Variants in POTED observed in about 807,000 individuals in gnomAD.
The protein encoded by POTED is POTE ankyrin domain family member D.
Under a neutral mutation model 19.0 loss-of-function variants are expected in POTED, and 7 were observed. The ratio of observed to expected loss-of-function variants is 0.37; its 90% CI spans 0.21 to 0.69. The LOEUF (loss-of-function observed/expected upper bound fraction) is 0.69. Ranked by LOEUF, POTED falls within the 30% of genes least tolerant of loss-of-function variation. The pLI is 0.56. For missense variants in POTED, 54 were observed against 278.5 expected, an observed-to-expected ratio of 0.19 and a Z score of 5.74; for synonymous variants, 16 against 92.0, an observed-to-expected ratio of 0.17 and a Z score of 4.73.
At position 13,624,041 on chromosome 21, in the gene POTED, A is replaced by G. The variant is rs921650512; in HGVS notation, c.1126+1166A>G. Among the ~76,000 whole-genome samples, 3 of 87,304 alleles carry G rather than the reference A, an allele frequency of 3.4e-5. 1 individual carries two copies. The highest frequency in any genetic ancestry group is 3.3e-4 in the Admixed American group (3 of 8,992). The allele number at this position is 87,304 out of a possible 152,430, so 57.3% of individuals were successfully genotyped here. On this transcript the variant is annotated intron_variant, in intron 6 of 10. Coordinates refer to ENST00000299443, the MANE Select transcript of POTED (RefSeq NM_174981.6). ...TCACTTGTCCACTTAACAAATAACT[A>G]TTAAATGTCTTTTAGATACTAATCA...
chr21:13,642,538 C>T lies in POTED; in HGVS notation c.*972C>T, dbSNP rs571254196. Among the ~76,000 whole-genome samples, 34 of 79,890 alleles carry T rather than the reference C, an allele frequency of 4.3e-4. 9 individuals are homozygous for T. The highest frequency in any genetic ancestry group is 2.1e-3 in the Admixed American group (20 of 9,572). 52.4% of individuals were successfully genotyped at this position (79,890 alleles called of 152,430 possible). A position where few individuals can be genotyped will look rare whatever the true frequency, so the allele number is the denominator to read the frequency against. ...AGACCAGGGGCTGAAGTGAACCCCC[C>T]GCACAGCATAGCCACTCTACAAAAA... On this transcript the variant is annotated 3_prime_UTR_variant, in exon 11 of 11. Transcript: ENST00000299443.
Position 13,610,424 on chromosome 21 carries a change from C to T in POTED, c.196C>T (p.Arg66Cys), listed in dbSNP as rs377542826. Residue 66 changes from arginine (R) to cysteine (C), a missense_variant, in exon 1 of 11, where the codon CGC becomes TGC. By Grantham distance (180) the Arg-to-Cys change is radical. Around this residue, in one of 3 missense-constraint regions of POTED, gnomAD observed 38 missense variants for 163.8 expected, o/e 0.23. Transcript: ENST00000299443. ...CAGGAGCAAGATGGGCAAGTGTTGC[C>T]GCCACTGCTTCCCCTGCTGCAGGGG... ...MLRSKMGKCC[R>C]HCFPCCRGSG... 39 of 981,780 alleles carry T rather than the reference C, an allele frequency of 4.0e-5. 11 individuals are homozygous for T. The highest frequency in any genetic ancestry group is 4.5e-5 in the Non-Finnish European group (34 of 763,850). 60.8% of individuals were successfully genotyped at this position (981,780 alleles called of 1,614,324 possible). A position where few individuals can be genotyped will look rare whatever the true frequency, so the allele number is the denominator to read the frequency against.
At position 13,610,342 on chromosome 21, in the gene POTED, C is replaced by G. The variant is rs199498156; in HGVS notation, c.114C>G (p.Ser38Arg). Reference sequence around the variant, plus strand: ...ACCGCTTCCCCTGCTGCAGGGGGAGCGGCAAGAGCAACATGGGCACTTCTG... The same window carrying G: ...ACCGCTTCCCCTGCTGCAGGGGGAGGGGCAAGAGCAACATGGGCACTTCTG... ...CHHRFPCCRG[S>R]GKSNMGTSGD... Residue 38 changes from serine (S) to arginine (R), a missense_variant, in exon 1 of 11, where the codon AGC (serine) becomes AGG (arginine). By Grantham distance (110) the Ser-to-Arg change is moderately radical. Coordinates refer to ENST00000299443, the MANE Select transcript of POTED (RefSeq NM_174981.6). 2 of 592,550 alleles carry G rather than the reference C, an allele frequency of 3.4e-6. No individual in the cohort carries two copies. The highest frequency in any genetic ancestry group is 4.0e-5 in the Admixed American group (1 of 25,152). The allele number at this position is 592,550 out of a possible 1,614,324, so 36.7% of individuals were successfully genotyped here.
rs1367233527 is a variant in POTED, at chr21:13,636,992, GTA to G, written c.1410-2511_1410-2510del. 3.1e-4 allele frequency among the ~76,000 whole-genome samples: 4 copies of G among 13,094 alleles called. 2 individuals are homozygous for G. The highest frequency in any genetic ancestry group is 4.9e-4 in the Non-Finnish European group (4 of 8,112). 8.6% of individuals were successfully genotyped at this position (13,094 alleles called of 152,430 possible). On this transcript the variant is annotated intron_variant, in intron 9 of 10. Transcript: ENST00000299443. ...TCCTTTATGAATTACCCAGTCTCAG[GTA>G]TATATATATATTTTTTTTTTTTTTT...
In POTED at chr21:13,631,123, C is replaced by A; in HGVS notation, c.1409+16C>A. 1 of 405,562 alleles carries A rather than the reference C, an allele frequency of 2.5e-6. No homozygotes were observed. Among genetic ancestry groups the A allele is most frequent in the South Asian group, 3.3e-5 (1 of 30,726 alleles). The allele number at this position is 405,562 out of a possible 1,614,324, so 25.1% of individuals were successfully genotyped here. On this transcript the variant is annotated intron_variant, in intron 9 of 10. Transcript: ENST00000299443. ...AGTATCACAGGTAAGCCTATGGCAACATTTAATAGGAGATAACTATATGCT... is the reference window on the plus strand; with the variant it reads ...AGTATCACAGGTAAGCCTATGGCAAAATTTAATAGGAGATAACTATATGCT...
At position 13,610,375 on chromosome 21, in the gene POTED, C is replaced by A; in HGVS notation, c.147C>A (p.His49Gln). ...GCAACATGGGCACTTCTGGAGACCA[C>A]GACGACTCCTTTATGAAGATGCTCA... ...GKSNMGTSGD[H>Q]DDSFMKMLRS... The change falls in exon 1 of 11, where the codon CAC becomes CAA. Residue 49 changes from histidine to glutamine, a missense_variant. By Grantham distance (24) the His-to-Gln change is conservative. This residue lies in a region of POTED where 38 missense variants were observed against 163.8 expected (regional missense o/e 0.23). Transcript: ENST00000299443. 5.1e-6 allele frequency: 4 copies of A among 789,492 alleles called. 1 individual carries two copies. The highest frequency in any genetic ancestry group is 6.6e-6 in the Non-Finnish European group (4 of 602,108). The allele number at this position is 789,492 out of a possible 1,614,324, so 48.9% of individuals were successfully genotyped here. A position where few individuals can be genotyped will look rare whatever the true frequency, so the allele number is the denominator to read the frequency against.
intron 1 of POTED, among the ~76,000 whole-genome samples, chr21:13,612,792 G>A (rs1246857041): frequency 2.5e-5 from 2 of 81,074 alleles, no homozygotes; most frequent in Non-Finnish European, 4.3e-5. Context: ...TCCATAGGAT[G>A]GAATAATATG....
At position 13,642,501 on chromosome 21, in the gene POTED, G is replaced by T. The variant is rs1458814884; in HGVS notation, c.*935G>T. On this transcript the variant is annotated 3_prime_UTR_variant, in exon 11 of 11. Coordinates refer to ENST00000299443, the MANE Select transcript of POTED (RefSeq NM_174981.6). Reference sequence around the variant, plus strand: ...CAGCCAGTTCAGTCTTAGAGTTTCAGAGTGTCTGAGGAGACCAGGGGCTGA... The same window carrying T: ...CAGCCAGTTCAGTCTTAGAGTTTCATAGTGTCTGAGGAGACCAGGGGCTGA... 1.3e-5 allele frequency among the ~76,000 whole-genome samples: 1 copy of T among 77,588 alleles called. No individual in the cohort carries two copies. Among genetic ancestry groups the T allele is most frequent in the Non-Finnish European group, 2.3e-5 (1 of 44,144 alleles). 50.9% of individuals were successfully genotyped at this position (77,588 alleles called of 152,430 possible).
chr21:13,640,473 T>C (rs2011263158), intron 10 of POTED, among the ~76,000 whole-genome samples: 1 of 83,344 alleles, frequency 1.2e-5, no homozygotes, highest in Non-Finnish European at 2.2e-5. Flanking sequence ...GGAGGATCAC[T>C]AGCAGTAGCA....
rs1403937533 is a variant in POTED at position 13,644,496 on chromosome 21, G to C, written c.*2930G>C. On this transcript the variant is annotated 3_prime_UTR_variant, in exon 11 of 11. Coordinates refer to ENST00000299443, the MANE Select transcript of POTED (RefSeq NM_174981.6). ...CCCATAAAGATGAGAAAAAGACTCT[G>C]TGCAAGAACACTAAAAACTCAAAAA... 4.5e-5 allele frequency among the ~76,000 whole-genome samples: 3 copies of C among 67,054 alleles called. 1 individual carries two copies. The highest frequency in any genetic ancestry group is 7.6e-5 in the Non-Finnish European group (3 of 39,484). The allele number at this position is 67,054 out of a possible 152,430, so 44.0% of individuals were successfully genotyped here. A position where few individuals can be genotyped will look rare whatever the true frequency, so the allele number is the denominator to read the frequency against.
At chr21:13,616,138 T>TTG (rs61117870) in intron 3 of POTED, among the ~76,000 whole-genome samples, 8,929 of 84,978 alleles carry the variant, frequency 0.11, 2,375 homozygotes, top group African/African-American at 0.22. Flanking sequence ...CATGAAGAGG[T>TTG]TGTGTGTGTG....
rs1405495825 is a variant in POTED, at chr21:13,645,132, GAA to G, written c.*3568_*3569del. Among the ~76,000 whole-genome samples the G allele has an allele frequency of 7.7e-6, 1 of 129,082 alleles. No homozygotes were observed. Among genetic ancestry groups the G allele is most frequent in the African/African-American group, 3.3e-5 (1 of 30,654 alleles). 84.7% of individuals were successfully genotyped at this position (129,082 alleles called of 152,430 possible). On this transcript the variant is annotated 3_prime_UTR_variant, in exon 11 of 11. Transcript: ENST00000299443. ...AAATCTATGACTGATTAATGTACCT[GAA>G]AGAGATGAGAATGGAACCAACTTGG...
intron 4 of POTED, among the ~76,000 whole-genome samples, chr21:13,619,649 A>T (rs1458935146): frequency 4.9e-5 from 1 of 20,516 alleles, no homozygotes; most frequent in Non-Finnish European, 7.5e-5. Context: ...TAAGCAAGAA[A>T]GATATATGTG....
Position 13,637,537 on chromosome 21 carries a change from G to T in POTED, c.1410-1978G>T, listed in dbSNP as rs1202798783. ...GGTTATGGACATTAATCCTTTGTTA[G>T]ATTCATAATTTGCCCATATTTTCCC... On this transcript the variant is annotated intron_variant, in intron 9 of 10. Transcript: ENST00000299443. Among the ~76,000 whole-genome samples the T allele has an allele frequency of 4.8e-5, 3 of 61,898 alleles. 1 individual carries two copies. The highest frequency in any genetic ancestry group is 8.1e-5 in the Non-Finnish European group (3 of 36,952). 40.6% of individuals were successfully genotyped at this position (61,898 alleles called of 152,430 possible).
Position 13,611,104 on chromosome 21 carries a change from A to G in POTED, c.521+355A>G, listed in dbSNP as rs1290434643. 2.0e-4 allele frequency among the ~76,000 whole-genome samples: 16 copies of G among 79,302 alleles called. 7 individuals carry two copies. Among genetic ancestry groups the G allele is most frequent in the Non-Finnish European group, 3.5e-4 (16 of 45,256 alleles). The allele number at this position is 79,302 out of a possible 152,430, so 52.0% of individuals were successfully genotyped here. ...TATATTGAGAACTAAGTCCCATAAT[A>G]TATCAACTTCTGGGCTAAATATCTT... On this transcript the variant is annotated intron_variant, in intron 1 of 10. Coordinates refer to ENST00000299443, the MANE Select transcript of POTED (RefSeq NM_174981.6).
chr21:13,631,461 C>T (rs1165713651), intron 9 of POTED, among the ~76,000 whole-genome samples: 1 of 78,508 alleles, frequency 1.3e-5, no homozygotes, highest in Non-Finnish European at 2.2e-5. Flanking sequence ...GCAAAATACT[C>T]GAGAGGTAGT....
In POTED at chr21:13,645,369, A is replaced by T. The variant is rs1454981326; in HGVS notation, c.*3803A>T. On this transcript the variant is annotated 3_prime_UTR_variant, in exon 11 of 11. Transcript: ENST00000299443. ...GAAAGGCAACATCACCTGCAAAGGG[A>T]ATTCCATCAGATTTAGCAGACCTCT... 7.6e-6 allele frequency among the ~76,000 whole-genome samples: 1 copy of T among 131,652 alleles called. No individual in the cohort carries two copies. The highest frequency in any genetic ancestry group is 3.1e-5 in the African/African-American group (1 of 32,042). The allele number at this position is 131,652 out of a possible 152,430, so 86.4% of individuals were successfully genotyped here.
rs1367251169 is a variant in POTED at position 13,612,875 on chromosome 21, A to T, written c.521+2126A>T. Among the ~76,000 whole-genome samples, 4 of 76,676 alleles carry T rather than the reference A, an allele frequency of 5.2e-5. 2 individuals carry two copies. The highest frequency in any genetic ancestry group is 4.1e-4 in the African/African-American group (4 of 9,690). The allele number at this position is 76,676 out of a possible 152,430, so 50.3% of individuals were successfully genotyped here. A position where few individuals can be genotyped will look rare whatever the true frequency, so the allele number is the denominator to read the frequency against. On this transcript the variant is annotated intron_variant, in intron 1 of 10. Transcript: ENST00000299443. ...GATGTACTTTGCTATATCAAGTGAG[A>T]AAAAATCAGTTTGTTATACATATAC... is the stretch of plus-strand genomic sequence containing the variant.
At chr21:13,631,506 T>C (rs1327242091) in intron 9 of POTED, among the ~76,000 whole-genome samples, 1 of 76,490 alleles carries the variant, frequency 1.3e-5, no homozygotes, top group Non-Finnish European at 2.3e-5. Flanking sequence ...CACTCCACCC[T>C]CAAGTAGACC....
Sources: gnomAD v4.1 joint callset for allele counts (sites outside exome capture counted in the v4.1 genomes callset) on GRCh38, gnomAD v4.1.1 for gene constraint, gnomAD v4.1.1 regional missense constraint, MANE v1.5 for transcripts, NCBI Gene and HGNC (gene_info 2026-07-23, HGNC 2026-07-21) for gene names.